Variants in ANXA2 observed in about 807,000 individuals in gnomAD.
ANXA2 encodes annexin II.
In ANXA2, 28 loss-of-function variants were observed where a neutral mutation model predicts 47.3. That is an observed-to-expected ratio of 0.59 (90% CI 0.44 to 0.81). The LOEUF is 0.81. ANXA2 is among the 40% of genes least tolerant of loss of function. The pLI is 0.00. For missense variants in ANXA2, 384 were observed against 414.3 expected (o/e 0.93, Z 0.64); for synonymous variants, 172 against 155.5 (o/e 1.11, Z -0.79).
chr15:60,386,052 C>G lies in ANXA2; in HGVS notation c.24G>C (p.Leu8=), dbSNP rs758725227. Residue 8 remains leucine, a synonymous_variant, in exon 2 of 13, where the codon CTG becomes CTC. Coordinates refer to ENST00000451270, the MANE Select transcript of ANXA2 (RefSeq NM_004039.3). ...CATCACCCTCCAAGCTGAGCTTGCA[C>G]AGGATTTCGTGAACAGTAGACATTT... is the stretch of plus-strand genomic sequence containing the variant. MSTVHEI[L]CKLSLEGDHS... 1.4e-5 allele frequency: 22 copies of G among 1,612,816 alleles called. No individual in the cohort carries two copies. Among genetic ancestry groups the G allele is most frequent in the Non-Finnish European group, 1.8e-5 (21 of 1,179,554 alleles).
chr15:60,376,741 C>A (rs1340837251), intron 3 of ANXA2, among the ~76,000 whole-genome samples: 1 of 152,178 alleles, frequency 6.6e-6, no homozygotes, highest in South Asian at 2.1e-4. Flanking sequence ...CTGGCCATGG[C>A]AAGCAGTGCC....
chr15:60,356,691 A>T (rs2062435879), intron 6 of ANXA2, among the ~76,000 whole-genome samples: 1 of 152,200 alleles, frequency 6.6e-6, no homozygotes, highest in African/African-American at 2.4e-5. Context: ...TGTAAGTTGC[A>T]TTGTTTATTC....
intron 5 of ANXA2, 137 bp downstream of exon 5, chr15:60,360,804 T>G (rs573252886): frequency 1.6e-6 from 1 of 638,606 alleles, no homozygotes; most frequent in African/African-American, 1.8e-5. Flanking sequence ...CTGAGACATA[T>G]AACTTCAGTT....
intron 6 of ANXA2, 150 bp downstream of exon 6, chr15:60,356,996 C>A: frequency 1.7e-6 from 1 of 604,540 alleles, no homozygotes; most frequent in South Asian, 2.2e-5. Flanking sequence ...AAACTTGGAC[C>A]ACAGCCAACC....
At position 60,386,278 on chromosome 15, in the gene ANXA2, G is replaced by C. The variant is rs2062932390; in HGVS notation, c.-11-192C>G. The C allele has an allele frequency of 5.3e-6, 3 of 566,398 alleles. No individual in the cohort carries two copies. The African/African-American group carries it at 5.7e-5, about 11-fold the overall frequency. 35.1% of individuals were successfully genotyped at this position (566,398 alleles called of 1,614,324 possible). ...CCTCAGAGATGGTCTGCCTTGGGTTGGGATGGACTACTAAACTAGCCAGTC... is the reference window on the plus strand; with the variant it reads ...CCTCAGAGATGGTCTGCCTTGGGTTCGGATGGACTACTAAACTAGCCAGTC... On this transcript the variant is annotated intron_variant, in intron 1 of 12. Coordinates refer to ENST00000451270, the MANE Select transcript of ANXA2 (RefSeq NM_004039.3).
chr15:60,394,406 G>T (rs1350551084), intron 1 of ANXA2, among the ~76,000 whole-genome samples: 2 of 152,172 alleles, frequency 1.3e-5, no homozygotes, highest in Non-Finnish European at 2.9e-5. Context: ...TGGATTAAAA[G>T]CTTCAGGGTG....
chr15:60,397,957 G>A lies in ANXA2; in HGVS notation c.-26C>T. On this transcript the variant is annotated 5_prime_UTR_variant, in exon 1 of 13. Transcript: ENST00000451270. Reference sequence around the variant, plus strand: ...GCCCCGCTTACCTGGGCCGTGCGCCGAGAGCTGAGAGCGTCCCCAAATGCT... The same window carrying A: ...GCCCCGCTTACCTGGGCCGTGCGCCAAGAGCTGAGAGCGTCCCCAAATGCT... 3.9e-6 allele frequency: 5 copies of A among 1,271,618 alleles called. No individual in the cohort carries two copies. Among genetic ancestry groups the A allele is most frequent in the Non-Finnish European group, 5.0e-6 (5 of 1,006,020 alleles). The allele number at this position is 1,271,618 out of a possible 1,614,324, so 78.8% of individuals were successfully genotyped here.
chr15:60,374,139 T>C (rs1326171163), intron 3 of ANXA2, among the ~76,000 whole-genome samples: 1 of 152,240 alleles, frequency 6.6e-6, no homozygotes, highest in African/African-American at 2.4e-5. Context: ...CCATTCTGCT[T>C]TGATCTCACT....
intron 12 of ANXA2, among the ~76,000 whole-genome samples, chr15:60,347,973 G>T (rs1038727097): frequency 6.6e-6 from 1 of 152,186 alleles, no homozygotes; most frequent in Non-Finnish European, 1.5e-5. Flanking sequence ...ATAGGTTAGT[G>T]ACCAGGGCTG....
At chr15:60,350,933 G>C (rs963955936) in intron 11 of ANXA2, among the ~76,000 whole-genome samples, 1 of 152,164 alleles carries the variant, frequency 6.6e-6, no homozygotes, top group African/African-American at 2.4e-5. Context: ...GATCAGACAC[G>C]ACTACCATGT....
chr15:60,347,881 T>C (rs1316240314), intron 12 of ANXA2, among the ~76,000 whole-genome samples, 192 bp from the exon 13 acceptor site: 3 of 152,070 alleles, frequency 2.0e-5, no homozygotes, highest in Non-Finnish European at 4.4e-5. Flanking sequence ...TCCAGGAGTG[T>C]GGTCGGAGGA....
At chr15:60,362,186 T>C (rs1327655344) in intron 4 of ANXA2, among the ~76,000 whole-genome samples, 1 of 152,154 alleles carries the variant, frequency 6.6e-6, no homozygotes, top group African/African-American at 2.4e-5. Context: ...TAGCTCCCAA[T>C]TATAACACCA....
intron 3 of ANXA2, among the ~76,000 whole-genome samples, chr15:60,372,797 G>T (rs1357852453): frequency 6.7e-6 from 1 of 148,794 alleles, no homozygotes; most frequent in Non-Finnish European, 1.5e-5. Flanking sequence ...GGGCCCAAAT[G>T]ATCCTCCTGC....
chr15:60,364,512 C>A lies in ANXA2; in HGVS notation c.160G>T (p.Val54Phe), dbSNP rs981108588. The A allele has an allele frequency of 6.2e-7, 1 of 1,612,852 alleles. No individual in the cohort carries two copies. Among genetic ancestry groups the A allele is most frequent in the African/African-American group, 1.3e-5 (1 of 74,982 alleles). Residue 54 changes from valine to phenylalanine, a missense_variant, in exon 4 of 13, where the codon GTC becomes TTC. By Grantham distance (50) the Val-to-Phe change is conservative (BLOSUM62 -1). Coordinates refer to ENST00000451270, the MANE Select transcript of ANXA2 (RefSeq NM_004039.3). ...TTGGTCAAAATGTTGACAATGGTGA[C>A]CTCATCCACACCTATGGAAATACAA... ...TAIKTKGVDE[V>F]TIVNILTNRS...
At chr15:60,377,904 A>G (rs1425533715) in intron 3 of ANXA2, among the ~76,000 whole-genome samples, 3 of 152,106 alleles carry the variant, frequency 2.0e-5, no homozygotes, top group Admixed American at 1.3e-4. Flanking sequence ...CCTGGCCAAC[A>G]TGGTTAAACC....
rs201356127 is a variant in ANXA2 at position 60,349,179 on chromosome 15, T to C, written c.856A>G (p.Lys286Glu). 1.3e-4 allele frequency: 206 copies of C among 1,613,928 alleles called. No homozygotes were observed. Among genetic ancestry groups the C allele is most frequent in the Non-Finnish European group, 1.5e-4 (176 of 1,179,926 alleles). The change falls in exon 12 of 13, where the codon AAG becomes GAG. Residue 286 changes from lysine (K) to glutamate (E), a missense_variant. Lys to Glu is a moderately conservative substitution (Grantham distance 56). Coordinates refer to ENST00000451270, the MANE Select transcript of ANXA2 (RefSeq NM_004039.3). ...DSMKGKGTRD[K>E]VLIRIMVSRS... is the part of the protein sequence containing the mutation. ...GAGACCATGATTCTGATCAGGACCT[T>C]ATCTCGCGTCCCCTTGCCCTGAAAA...
chr15:60,349,009 G>T, intron 12 of ANXA2, 66 bp downstream of exon 12: 1 of 1,596,028 alleles, frequency 6.3e-7, no homozygotes, highest in Non-Finnish European at 8.6e-7. Context: ...CATTCTGCCA[G>T]GCCACCTGCC....
chr15:60,369,823 C>G (rs568778285), intron 3 of ANXA2, among the ~76,000 whole-genome samples: 3 of 152,188 alleles, frequency 2.0e-5, no homozygotes, highest in African/African-American at 7.2e-5. Flanking sequence ...TCACTTCTAC[C>G]AACTGCTTTT....
In ANXA2 at chr15:60,352,543, CA is replaced by C; in HGVS notation, c.589-68del. The stretch of plus-strand genomic sequence containing the variant: ...ATGTAACGTCAAAAAAAATGTCATG[CA>C]AAAAAAACAAAAAAAGCTACACATT... On this transcript the variant is annotated intron_variant, in intron 8 of 12. Coordinates refer to ENST00000451270, the MANE Select transcript of ANXA2 (RefSeq NM_004039.3). The surrounding 1 kb of genome is among the most constrained non-coding windows in gnomAD (Gnocchi z 4.2). The C allele has an allele frequency of 5.2e-5, 55 of 1,050,868 alleles. No homozygotes were observed. The highest frequency in any genetic ancestry group is 6.7e-5 in the Non-Finnish European group (47 of 704,010). The allele number at this position is 1,050,868 out of a possible 1,614,324, so 65.1% of individuals were successfully genotyped here.
Sources: allele counts gnomAD v4.1 joint callset (sites outside exome capture counted in the v4.1 genomes callset), GRCh38; gene constraint gnomAD v4.1.1; non-coding constraint Gnocchi (gnomAD v3.1); transcripts MANE v1.5; gene names NCBI Gene and HGNC (gene_info 2026-07-23, HGNC 2026-07-21).